Variants in VEPH1 observed in about 807,000 individuals in gnomAD.
VEPH1 encodes ventricular zone-expressed PH domain-containing protein homolog 1.
VEPH1 carries 80 observed loss-of-function variants against 85.2 expected under a neutral mutation model. That is an observed-to-expected ratio of 0.94 (90% CI 0.78 to 1.13). The LOEUF (loss-of-function observed/expected upper bound fraction) is 1.13, where lower values mean the gene tolerates loss of function less well. VEPH1 is among the 50% of genes most tolerant of loss of function. The probability of loss-of-function intolerance (pLI) is 0.00; values close to 1 mark genes in which losing one functional copy is unlikely to be tolerated. For missense variants in VEPH1, 955 were observed against 980.5 expected (o/e 0.97, Z 0.35); for synonymous variants, 297 against 348.0 (o/e 0.85, Z 1.63).
intron 5 of VEPH1, among the ~76,000 whole-genome samples, chr3:157,425,846 C>T (rs1488038106): frequency 6.6e-6 from 1 of 152,098 alleles, no homozygotes; most frequent in Non-Finnish European, 1.5e-5. Context: ...GGCTCAGTGT[C>T]CCCACCAAAA....
chr3:157,340,769 C>A (rs957264643), intron 9 of VEPH1, among the ~76,000 whole-genome samples: 1 of 152,192 alleles, frequency 6.6e-6, no homozygotes, highest in Non-Finnish European at 1.5e-5. Context: ...CTGGAAGGCA[C>A]CCCCCAGTAG....
intron 9 of VEPH1, 86 bp from the exon 10 acceptor site, chr3:157,317,287 A>T (rs759832261): frequency 5.2e-5 from 67 of 1,286,226 alleles, no homozygotes; most frequent in Non-Finnish European, 6.8e-5. Flanking sequence ...AAATGCCTTT[A>T]TAAAATATCC....
intron 4 of VEPH1, among the ~76,000 whole-genome samples, chr3:157,438,610 G>T (rs907123485): frequency 2.6e-5 from 4 of 152,170 alleles, no homozygotes; most frequent in African/African-American, 9.7e-5. Context: ...GCCAATCCGT[G>T]TAGGGGATCC....
chr3:157,349,694 CA>C (rs1467865607), intron 9 of VEPH1, among the ~76,000 whole-genome samples: 2 of 151,938 alleles, frequency 1.3e-5, no homozygotes, highest in South Asian at 2.1e-4. Flanking sequence ...TTGCAGAATA[CA>C]AAAAAATCAT....
At chr3:157,381,430 G>T in intron 6 of VEPH1, 54 bp from the exon 7 acceptor site, 3 of 1,579,950 alleles carry the variant, frequency 1.9e-6, no homozygotes, top group Admixed American at 3.4e-5. Flanking sequence ...AATCATCCAG[G>T]CATGGTGGTC....
At chr3:157,301,280 G>A (rs1462895295) in intron 11 of VEPH1, among the ~76,000 whole-genome samples, 2 of 152,080 alleles carry the variant, frequency 1.3e-5, no homozygotes, top group African/African-American at 2.4e-5. Context: ...TGTGTATTGG[G>A]GCTATGAGGA....
At chr3:157,481,968 A>T (rs183875048) in intron 2 of VEPH1, among the ~76,000 whole-genome samples, 2 of 152,244 alleles carry the variant, frequency 1.3e-5, no homozygotes, top group Non-Finnish European at 2.9e-5. Context: ...TTTGTCAAAG[A>T]TCAGATAGTT....
rs144633169 is a variant in VEPH1 at position 157,348,670 on chromosome 3, G to A, written c.1735+14694C>T. On this transcript the variant is annotated intron_variant, in intron 9 of 13. Coordinates refer to ENST00000362010, the MANE Select transcript of VEPH1 (RefSeq NM_001167912.2). Reference sequence around the variant, plus strand: ...CAGATCCAATCCATAAAAGGAAGAGGGGGCTGCAGAGGCCTGGTGCCTCCA... The same window carrying A: ...CAGATCCAATCCATAAAAGGAAGAGAGGGCTGCAGAGGCCTGGTGCCTCCA... 9.7e-3 allele frequency among the ~76,000 whole-genome samples: 1,480 copies of A among 152,322 alleles called. 26 individuals are homozygous for A. The highest frequency in any genetic ancestry group is 0.043 in the East Asian group (225 of 5,186).
chr3:157,391,325 C>G (rs1306679895), intron 6 of VEPH1, among the ~76,000 whole-genome samples: 2 of 152,194 alleles, frequency 1.3e-5, no homozygotes, highest in African/African-American at 4.8e-5. Flanking sequence ...TCCTTTGTGA[C>G]TCATTTTTCC....
intron 9 of VEPH1, 80 bp from the exon 10 acceptor site, chr3:157,317,281 G>C: frequency 7.6e-7 from 1 of 1,320,866 alleles, no homozygotes; most frequent in Non-Finnish European, 9.9e-7. Flanking sequence ...ACACACAAAT[G>C]CCTTTATAAA....
chr3:157,377,117 G>A (rs1418262516), intron 7 of VEPH1, among the ~76,000 whole-genome samples: 1 of 152,146 alleles, frequency 6.6e-6, no homozygotes, highest in Non-Finnish European at 1.5e-5. Flanking sequence ...CGAGGGTTTA[G>A]AGATTCCCAC....
chr3:157,261,109 A>T lies in VEPH1; in HGVS notation c.*25T>A. On this transcript the variant is annotated 3_prime_UTR_variant, in exon 14 of 14. Transcript: ENST00000362010. ...GATAATACAATGCCTGTGGTGTATA[A>T]TTGTCATGGCTGACTTATAAATCCC... The T allele has an allele frequency of 6.2e-7, 1 of 1,603,396 alleles. No individual in the cohort carries two copies. Among genetic ancestry groups the T allele is most frequent in the Non-Finnish European group, 8.5e-7 (1 of 1,177,166 alleles).
intron 2 of VEPH1, among the ~76,000 whole-genome samples, chr3:157,473,930 C>T (rs548498857): frequency 4.5e-4 from 68 of 152,104 alleles, no homozygotes; most frequent in Non-Finnish European, 8.5e-4. Flanking sequence ...ATTACAGAAA[C>T]AAATTTCCCA....
At chr3:157,336,743 G>C (rs1219710867) in intron 9 of VEPH1, among the ~76,000 whole-genome samples, 3 of 152,082 alleles carry the variant, frequency 2.0e-5, no homozygotes, top group Non-Finnish European at 4.4e-5. Context: ...CTAGAGCAAG[G>C]GTTGATAAAC....
At position 157,316,526 on chromosome 3, in the gene VEPH1, C is replaced by A. The variant is rs1021615562; in HGVS notation, c.1875+536G>T. ...ATTTTATGTGAAAGTTTAGTGCATCCGAGATAACTATTTTCAAATAAGAAT... is the reference window on the plus strand; with the variant it reads ...ATTTTATGTGAAAGTTTAGTGCATCAGAGATAACTATTTTCAAATAAGAAT... On this transcript the variant is annotated intron_variant, in intron 10 of 13. Coordinates refer to ENST00000362010, the MANE Select transcript of VEPH1 (RefSeq NM_001167912.2). 2.0e-5 allele frequency among the ~76,000 whole-genome samples: 3 copies of A among 149,078 alleles called. No homozygotes were observed. In the East Asian group the frequency reaches 5.8e-4, roughly 29 times the overall value.
intron 6 of VEPH1, among the ~76,000 whole-genome samples, chr3:157,405,435 G>T (rs549134062): frequency 2.0e-5 from 3 of 152,208 alleles, no homozygotes; most frequent in South Asian, 4.2e-4. Context: ...GGGAAATAAA[G>T]TACTGTTCCT....
intron 6 of VEPH1, among the ~76,000 whole-genome samples, chr3:157,385,742 G>A (rs1462524651): frequency 2.0e-5 from 3 of 152,096 alleles, no homozygotes; most frequent in African/African-American, 4.8e-5. Flanking sequence ...CTTCTTGGAC[G>A]CTACACCAAA....
At chr3:157,299,041 G>A (rs1265958876) in intron 11 of VEPH1, among the ~76,000 whole-genome samples, 4 of 152,102 alleles carry the variant, frequency 2.6e-5, no homozygotes, top group African/African-American at 4.8e-5. Flanking sequence ...ATGACTACTC[G>A]CATTTTAGTG....
intron 2 of VEPH1, among the ~76,000 whole-genome samples, chr3:157,485,761 C>T (rs1738564746): frequency 6.6e-6 from 1 of 151,798 alleles, no homozygotes; most frequent in Non-Finnish European, 1.5e-5. Flanking sequence ...ATAACATTTA[C>T]AAATTACATT....
Sources: allele counts gnomAD v4.1 joint callset (sites outside exome capture counted in the v4.1 genomes callset), GRCh38; gene constraint gnomAD v4.1.1; transcripts MANE v1.5; gene names NCBI Gene and HGNC (gene_info 2026-07-23, HGNC 2026-07-21).